POU2F3: variants seen among roughly 807,000 people sequenced by gnomAD.
POU2F3 encodes the protein POU domain, class 2, transcription factor 3.
POU2F3 carries 23 observed loss-of-function variants against 59.2 expected under a neutral mutation model. That is an observed-to-expected ratio of 0.39 (90% CI 0.28 to 0.55). The LOEUF (loss-of-function observed/expected upper bound fraction) is 0.55, where lower values mean the gene tolerates loss of function less well. Ranked by LOEUF, POU2F3 falls within the 20% of genes least tolerant of loss-of-function variation. The pLI is 0.66. For missense variants in POU2F3, 473 were observed against 544.5 expected (o/e 0.87, Z 1.31); for synonymous variants, 190 against 214.6 (o/e 0.89, Z 1.00).
intron 10 of POU2F3, among the ~76,000 whole-genome samples, chr11:120,314,965 A>G (rs764970326): frequency 4.6e-5 from 7 of 152,208 alleles, no homozygotes; most frequent in Non-Finnish European, 7.3e-5. Flanking sequence ...TTTTAGGGAA[A>G]AAGCAATGGA....
At position 120,298,470 on chromosome 11, in the gene POU2F3, T is replaced by G. The variant is rs1941253730; in HGVS notation, c.258+80T>G. 11 of 1,573,870 alleles carry G rather than the reference T, an allele frequency of 7.0e-6. No individual in the cohort carries two copies. The East Asian group carries it at 2.3e-4, about 32-fold the overall frequency. ...AATGCTCGACTTCCATGCTTGGTAC[T>G]CGTCTAAAGAACCCCCTGCAGGCAA... On this transcript the variant is annotated intron_variant, in intron 4 of 12. Coordinates refer to ENST00000543440, the MANE Select transcript of POU2F3 (RefSeq NM_014352.4).
intron 2 of POU2F3, chr11:120,256,619 T>C (rs1939354321): frequency 6.6e-6 from 1 of 152,248 alleles, no homozygotes; most frequent in Non-Finnish European, 1.5e-5. Context: ...GGGAGATGCA[T>C]CTGTCACATT....
At position 120,306,623 on chromosome 11, in the gene POU2F3, G is replaced by A. The variant is rs12286309; in HGVS notation, c.769+838G>A. 6.2e-3 allele frequency among the ~76,000 whole-genome samples: 941 copies of A among 152,266 alleles called. 13 individuals carry two copies. The highest frequency in any genetic ancestry group is 0.022 in the African/African-American group (920 of 41,536). On this transcript the variant is annotated intron_variant, in intron 8 of 12. Coordinates refer to ENST00000543440, the MANE Select transcript of POU2F3 (RefSeq NM_014352.4). ...TGGTGATGCAGAGTCCCCCCCGGTTGAGAACTGCCGGCCTAGGCAGAGAGA... is the reference window on the plus strand; with the variant it reads ...TGGTGATGCAGAGTCCCCCCCGGTTAAGAACTGCCGGCCTAGGCAGAGAGA...
upstream of POU2F3, chr11:120,236,690 C>G (rs575118561): frequency 1.3e-6 from 2 of 1,505,986 alleles, no homozygotes; most frequent in East Asian, 2.4e-5. Context: ...TCTCCAAGAA[C>G]TGCTAAAGGA....
intron 3 of POU2F3, among the ~76,000 whole-genome samples, chr11:120,271,567 G>A (rs919882029): frequency 7.2e-5 from 11 of 152,222 alleles, no homozygotes; most frequent in East Asian, 1.9e-4. Context: ...CTTCCATACC[G>A]AGACATGGCA....
intron 2 of POU2F3, among the ~76,000 whole-genome samples, chr11:120,255,411 G>A (rs548742484): frequency 6.6e-6 from 1 of 152,292 alleles, no homozygotes; most frequent in East Asian, 1.9e-4. Flanking sequence ...TGGTTGCTAT[G>A]ACGATGGGGT....
At chr11:120,308,865 G>GGAGGCGCA (rs199906352) in intron 9 of POU2F3, among the ~76,000 whole-genome samples, 3,475 of 145,810 alleles carry the variant, frequency 0.024, 58 homozygotes, top group Non-Finnish European at 0.033. Flanking sequence ...CTTGAACCCG[G>GGAGGCGCA]GAGGCGCAGG....
chr11:120,307,961 T>C (rs998042597), intron 9 of POU2F3, among the ~76,000 whole-genome samples: 4 of 152,206 alleles, frequency 2.6e-5, no homozygotes, highest in African/African-American at 9.6e-5. Flanking sequence ...GTCAGGGGAT[T>C]GTATGTAAGT....
At chr11:120,302,137 G>C (rs1351275933) in intron 5 of POU2F3, 149 bp from the exon 6 acceptor site, 11 of 635,428 alleles carry the variant, frequency 1.7e-5, no homozygotes, top group Non-Finnish European at 2.8e-5. Flanking sequence ...TGCTAGGAGG[G>C]CCTCTCCATG....
chr11:120,238,590 A>G (rs1938556685), upstream of POU2F3, among the ~76,000 whole-genome samples: 1 of 151,766 alleles, frequency 6.6e-6, no homozygotes, highest in African/African-American at 2.4e-5. Context: ...TCATCCCAGC[A>G]CTTTGGGAGG....
intron 4 of POU2F3, 112 bp from the exon 5 acceptor site, chr11:120,299,512 C>T: frequency 1.2e-6 from 1 of 844,050 alleles, no homozygotes; most frequent in Non-Finnish European, 1.8e-6. Flanking sequence ...CCAAGGTCAG[C>T]CTGCAAAGTC....
intron 2 of POU2F3, among the ~76,000 whole-genome samples, chr11:120,250,971 C>T (rs1189817300): frequency 3.3e-5 from 5 of 149,884 alleles, no homozygotes; most frequent in South Asian, 2.1e-4. Flanking sequence ...AGCAAAACTC[C>T]GTCTCAAAAA....
intron 3 of POU2F3, among the ~76,000 whole-genome samples, chr11:120,282,242 TG>T (rs1325450572): frequency 2.6e-5 from 4 of 152,250 alleles, no homozygotes; most frequent in African/African-American, 2.4e-5. Context: ...GCACTCAGTC[TG>T]GGCCAGGCAA....
rs536567090 is a variant in POU2F3, at chr11:120,290,965, C to G, written c.133-7300C>G. ...TGAGCCACCTTTTTCCTCTCTTTAC[C>G]TCTTCTCCTCCTAATGGGGGAGGTA... is the stretch of plus-strand genomic sequence containing the variant. On this transcript the variant is annotated intron_variant, in intron 3 of 12. Transcript: ENST00000543440. Among the ~76,000 whole-genome samples the G allele has an allele frequency of 6.4e-4, 98 of 152,354 alleles. 1 individual carries two copies. Among genetic ancestry groups the G allele is most frequent in the African/African-American group, 2.3e-3 (96 of 41,574 alleles).
At chr11:120,257,120 A>G (rs776093039) in intron 2 of POU2F3, 1 of 152,204 alleles carries the variant, frequency 6.6e-6, no homozygotes, top group Admixed American at 6.5e-5. Context: ...GTCAGCTACT[A>G]ATTAATCCTT....
chr11:120,294,975 G>T (rs1024856592), intron 3 of POU2F3, among the ~76,000 whole-genome samples: 1 of 152,140 alleles, frequency 6.6e-6, no homozygotes, highest in African/African-American at 2.4e-5. Context: ...AATTATAAAA[G>T]AGTAAAAAGT....
chr11:120,312,010 C>A (rs1941661527), intron 10 of POU2F3, among the ~76,000 whole-genome samples: 1 of 152,012 alleles, frequency 6.6e-6, no homozygotes, highest in East Asian at 1.9e-4. Flanking sequence ...AGAATGGGTC[C>A]CAGGAGGGTG....
At chr11:120,288,001 T>C (rs1309921127) in intron 3 of POU2F3, among the ~76,000 whole-genome samples, 1 of 149,872 alleles carries the variant, frequency 6.7e-6, no homozygotes, top group Admixed American at 6.7e-5. Flanking sequence ...AGGGGATTGC[T>C]AGAAGCAAGC....
At chr11:120,302,103 C>T (rs1286601168) in intron 5 of POU2F3, 183 bp from the exon 6 acceptor site, 3 of 587,196 alleles carry the variant, frequency 5.1e-6, no homozygotes, top group Admixed American at 3.0e-5. Context: ...TTTGCCTCCA[C>T]CTGTATGTGG....
Sources: allele counts gnomAD v4.1 joint callset (sites outside exome capture counted in the v4.1 genomes callset), GRCh38; gene constraint gnomAD v4.1.1; transcripts MANE v1.5; gene names NCBI Gene and HGNC (gene_info 2026-07-23, HGNC 2026-07-21).